EXOC6B: variants seen among roughly 807,000 people sequenced by gnomAD.
EXOC6B encodes SEC15 homolog B.
EXOC6B carries 54 observed loss-of-function variants against 113.5 expected under a neutral mutation model. The ratio of observed to expected loss-of-function variants is 0.48; its 90% CI spans 0.38 to 0.60. EXOC6B has a LOEUF of 0.60. Among genes scored for constraint, EXOC6B ranks in the 20% least tolerant of loss-of-function variants. The pLI is 0.00. For missense variants in EXOC6B, 797 were observed against 977.5 expected (o/e 0.82, Z 2.46); for synonymous variants, 357 against 339.0 (o/e 1.05, Z -0.58).
intron 19 of EXOC6B, among the ~76,000 whole-genome samples, chr2:72,371,399 G>A (rs1401434189): frequency 1.3e-5 from 2 of 152,104 alleles, no homozygotes; most frequent in African/African-American, 4.8e-5. Context: ...AAAACTACAT[G>A]CCAACATCTC....
intron 1 of EXOC6B, among the ~76,000 whole-genome samples, chr2:72,763,655 T>G (rs1682878078): frequency 6.6e-6 from 1 of 151,974 alleles, no homozygotes. Context: ...AACTCCTACC[T>G]CAAACAATCT....
chr2:72,541,599 TCTTG>T (rs1702606260), intron 8 of EXOC6B, among the ~76,000 whole-genome samples: 2 of 152,356 alleles, frequency 1.3e-5, no homozygotes, highest in Admixed American at 1.3e-4. Context: ...GTACAGGTTT[TCTTG>T]CTTATCTGTG....
chr2:72,388,528 G>A (rs979010071), intron 18 of EXOC6B, among the ~76,000 whole-genome samples: 2 of 152,102 alleles, frequency 1.3e-5, no homozygotes, highest in African/African-American at 4.8e-5. Flanking sequence ...TATTGGTGGT[G>A]TAATATCCTA....
chr2:72,221,580 C>T (rs1289035932), intron 20 of EXOC6B, among the ~76,000 whole-genome samples: 1 of 152,064 alleles, frequency 6.6e-6, no homozygotes, highest in African/African-American at 2.4e-5. Flanking sequence ...ATTATTTATG[C>T]TTATTATTTA....
intron 1 of EXOC6B, among the ~76,000 whole-genome samples, chr2:72,807,073 T>C (rs1685621355): frequency 1.3e-5 from 2 of 152,198 alleles, no homozygotes; most frequent in Admixed American, 1.3e-4. Context: ...TGCTTTGGTG[T>C]CTTCATCATG....
chr2:72,636,263 G>GA (rs1190590427), intron 6 of EXOC6B, among the ~76,000 whole-genome samples: 2 of 134,770 alleles, frequency 1.5e-5, no homozygotes, highest in Non-Finnish European at 3.1e-5. Flanking sequence ...GGAAGAGGAA[G>GA]AAAAAAAGGG....
intron 1 of EXOC6B, among the ~76,000 whole-genome samples, chr2:72,823,479 C>CAAA (rs1214480106): frequency 6.0e-4 from 57 of 95,280 alleles, no homozygotes; most frequent in African/African-American, 2.2e-3. Context: ...AAAAAAAAAA[C>CAAA]AAAAAACAAA....
intron 20 of EXOC6B, among the ~76,000 whole-genome samples, chr2:72,232,695 G>A (rs1436476762): frequency 4.6e-5 from 7 of 152,150 alleles, no homozygotes; most frequent in African/African-American, 1.4e-4. Context: ...ACAAATCTAT[G>A]TAAATAATAT....
intron 19 of EXOC6B, among the ~76,000 whole-genome samples, chr2:72,348,838 C>G (rs1462454561): frequency 6.6e-6 from 1 of 152,076 alleles, no homozygotes. Context: ...ACAAAAAAAG[C>G]TGAGAGTCAG....
rs1026745534 is a variant in EXOC6B, at chr2:72,468,067, T to C, written c.1801-2728A>G. Among the ~76,000 whole-genome samples the C allele has an allele frequency of 2.0e-4, 31 of 151,886 alleles. 1 individual carries two copies. The highest frequency in any genetic ancestry group is 1.9e-3 in the Admixed American group (29 of 15,250). The stretch of plus-strand genomic sequence containing the variant: ...ATTACAGGCGTGAGCCACCATGCTC[T>C]GCCTGTTCTGCCATTTTGTAGGTTA... On this transcript the variant is annotated intron_variant, in intron 17 of 21. Transcript: ENST00000272427.
intron 7 of EXOC6B, 116 bp from the exon 8 acceptor site, chr2:72,559,637 G>T: frequency 1.4e-6 from 1 of 703,404 alleles, no homozygotes; most frequent in Non-Finnish European, 2.3e-6. Context: ...TAGCTTGTAA[G>T]TGAGAAATAC....
At chr2:72,397,946 C>T (rs1692858847) in intron 18 of EXOC6B, among the ~76,000 whole-genome samples, 1 of 151,904 alleles carries the variant, frequency 6.6e-6, no homozygotes, top group South Asian at 2.1e-4. Flanking sequence ...TAGCATGGGG[C>T]ACAAGAAAAA....
At chr2:72,275,529 T>A (rs1684758644) in intron 20 of EXOC6B, among the ~76,000 whole-genome samples, 1 of 152,210 alleles carries the variant, frequency 6.6e-6, no homozygotes, top group African/African-American at 2.4e-5. Flanking sequence ...TCCTCAGCAG[T>A]TTTAACCAAT....
At chr2:72,819,411 T>G (rs1200399049) in intron 1 of EXOC6B, among the ~76,000 whole-genome samples, 1 of 152,142 alleles carries the variant, frequency 6.6e-6, no homozygotes, top group Non-Finnish European at 1.5e-5. Context: ...GCATGAGCAA[T>G]GGGAATGTTC....
intron 20 of EXOC6B, among the ~76,000 whole-genome samples, chr2:72,259,212 C>T (rs1025903523): frequency 1.1e-4 from 17 of 152,088 alleles, no homozygotes; most frequent in African/African-American, 3.4e-4. Flanking sequence ...ATTTTTTTCC[C>T]GCCTAGATTA....
In EXOC6B at chr2:72,825,939, C is replaced by T. The variant is rs746707936; in HGVS notation, c.-29G>A. 3.1e-6 allele frequency: 5 copies of T among 1,607,936 alleles called. No homozygotes were observed. In the African/African-American group the frequency reaches 6.7e-5, roughly 21 times the overall value. ...CTGGGGGCGCCCCGCAGCGCGTCCC[C>T]TCCGTCGGCTCGGCTCACCTTTTCC... On this transcript the variant is annotated 5_prime_UTR_variant, in exon 1 of 22. Transcript: ENST00000272427. The surrounding 1 kb of genome is among the most constrained non-coding windows in gnomAD (Gnocchi z 4.4).
rs145055074 is a variant in EXOC6B at position 72,682,996 on chromosome 2, T to A, written c.669+35107A>T. Among the ~76,000 whole-genome samples, 350 of 152,330 alleles carry A rather than the reference T, an allele frequency of 2.3e-3. 2 individuals are homozygous for A. The highest frequency in any genetic ancestry group is 7.3e-3 in the African/African-American group (305 of 41,572). On this transcript the variant is annotated intron_variant, in intron 6 of 21. Coordinates refer to ENST00000272427, the MANE Select transcript of EXOC6B (RefSeq NM_015189.3). Reference sequence around the variant, plus strand: ...CTATTCCTAACTCCAACTAATTTGCTATACTTCTTAGAATATCAAACTCTA... The same window carrying A: ...CTATTCCTAACTCCAACTAATTTGCAATACTTCTTAGAATATCAAACTCTA...
intron 12 of EXOC6B, among the ~76,000 whole-genome samples, chr2:72,499,629 GC>G (rs1271272818): frequency 6.6e-6 from 1 of 151,720 alleles, no homozygotes; most frequent in Non-Finnish European, 1.5e-5. Context: ...CTATGTTCAG[GC>G]AATCCTCTCA....
At chr2:72,534,187 T>A (rs747074465) in intron 8 of EXOC6B, among the ~76,000 whole-genome samples, 1 of 152,070 alleles carries the variant, frequency 6.6e-6, no homozygotes, top group African/African-American at 2.4e-5. Flanking sequence ...GCTATAACTA[T>A]GTAGGGTCAA....
Sources: gnomAD v4.1 joint callset for allele counts (sites outside exome capture counted in the v4.1 genomes callset) on GRCh38, gnomAD v4.1.1 for gene constraint, Gnocchi (gnomAD v3.1) non-coding constraint, MANE v1.5 for transcripts, NCBI Gene and HGNC (gene_info 2026-07-23, HGNC 2026-07-21) for gene names.